WDR87: variants seen among roughly 807,000 people sequenced by gnomAD.
WDR87 encodes the protein WD repeat domain 87, also known as WD repeat-containing protein 87.
WDR87 carries 56 observed loss-of-function variants against 83.3 expected under a neutral mutation model. The observed-to-expected ratio is 0.67, with a 90% CI of 0.54 to 0.84. The LOEUF (loss-of-function observed/expected upper bound fraction) is 0.84, where lower values mean the gene tolerates loss of function less well. WDR87 is among the 40% of genes least tolerant of loss of function. WDR87 has a pLI of 0.00. For synonymous variants in WDR87, 1,173 were observed against 1,250.6 expected (o/e 0.94, Z 1.31); for missense variants, 2,939 against 3,431.9 (o/e 0.86, Z 3.59).
intron 4 of WDR87, among the ~76,000 whole-genome samples, chr19:37,892,164 A>C (rs2046211536): frequency 6.6e-6 from 1 of 152,168 alleles, no homozygotes; most frequent in Non-Finnish European, 1.5e-5. Flanking sequence ...CCAAGGTGGC[A>C]GGAAGATTTC....
In WDR87 at chr19:37,885,108, T is replaced by G; in HGVS notation, c.8563A>C (p.Arg2855=). 1 of 1,465,176 alleles carries G rather than the reference T, an allele frequency of 6.8e-7. No individual in the cohort carries two copies. The highest frequency in any genetic ancestry group is 9.0e-7 in the Non-Finnish European group (1 of 1,109,164). 90.8% of individuals were successfully genotyped at this position (1,465,176 alleles called of 1,614,324 possible). A position where few individuals can be genotyped will look rare whatever the true frequency, so the allele number is the denominator to read the frequency against. Residue 2855 remains arginine (R), a synonymous_variant, in exon 6 of 6, where the codon AGA becomes CGA. Coordinates refer to ENST00000447313, the MANE Select transcript of WDR87 (RefSeq NM_001291088.2). ...CLFCGSSHTP[R]SPQEFQGAVP... ...GCACCCTGGAACTCCTGAGGACTTC[T>G]AGGAGTATGAGAACTGCCACAAAAC...
Position 37,894,343 on chromosome 19 carries a change from T to C in WDR87, c.1360A>G (p.Asn454Asp). ...PAKYLLGTSP[N>D]SQDFVQCLAY... Reference sequence around the variant, plus strand: ...AGGCATTGTACAAAGTCCTGAGAATTTGGTGAGGTGCCTAAGAGATACTTG... The same window carrying C: ...AGGCATTGTACAAAGTCCTGAGAATCTGGTGAGGTGCCTAAGAGATACTTG... The change falls in exon 4 of 6, where the codon AAT becomes GAT. Residue 454 changes from asparagine (N) to aspartate (D), a missense_variant. Physicochemically the swap from Asn to Asp is conservative, Grantham distance 23 (BLOSUM62 1). Around this residue, in one of 3 missense-constraint regions of WDR87, gnomAD observed 553 missense variants for 577.9 expected, o/e 0.96. Transcript: ENST00000447313. The C allele has an allele frequency of 6.4e-7, 1 of 1,551,702 alleles. No homozygotes were observed. Among genetic ancestry groups the C allele is most frequent in the Non-Finnish European group, 8.7e-7 (1 of 1,147,002 alleles).
rs1233028826 is a variant in WDR87, at chr19:37,890,037, G to C, written c.3634C>G (p.Gln1212Glu). The C allele has an allele frequency of 6.4e-7, 1 of 1,551,596 alleles. No individual in the cohort carries two copies. Among genetic ancestry groups the C allele is most frequent in the Non-Finnish European group, 8.7e-7 (1 of 1,146,994 alleles). The change falls in exon 6 of 6, where the codon CAG becomes GAG. Residue 1212 changes from glutamine (Q) to glutamate (E), a missense_variant. Transcript: ENST00000447313. ...DHIALTLKRL[Q>E]KIRDKRDKKA... ...TTGTCTCTTTTGTCACGTATTTTCTGCAGCCTCTTCAGGGTCAATGCAATG... is the reference window on the plus strand; with the variant it reads ...TTGTCTCTTTTGTCACGTATTTTCTCCAGCCTCTTCAGGGTCAATGCAATG...
Position 37,893,054 on chromosome 19 carries a change from ATCC to A in WDR87, c.2646_2648del (p.Glu882del). The A allele has an allele frequency of 6.4e-7, 1 of 1,551,760 alleles. No homozygotes were observed. Among genetic ancestry groups the A allele is most frequent in the East Asian group, 2.4e-5 (1 of 40,924 alleles). Reference sequence around the variant, plus strand: ...AAAGTCTCATTTCTAGGAAGTGTTCATCCTCCTCCTTATTCTTTGGATATTCTG... The same window carrying A: ...AAAGTCTCATTTCTAGGAAGTGTTCATCCTCCTTATTCTTTGGATATTCTG... On this transcript the variant is annotated inframe_deletion, in exon 4 of 6. Coordinates refer to ENST00000447313, the MANE Select transcript of WDR87 (RefSeq NM_001291088.2).
chr19:37,895,046 C>T lies in WDR87; in HGVS notation c.657G>A (p.Arg219=). ...GGCCCTTGCCCTGGTGCATAAGGAC[C>T]CTCACCACCGTCTCACACAGGGCCA... ...SLLALCETVV[R]VLMHQGKGQL... The change falls in exon 4 of 6, where the codon AGG becomes AGA. Residue 219 remains arginine, a synonymous_variant. Coordinates refer to ENST00000447313, the MANE Select transcript of WDR87 (RefSeq NM_001291088.2). 1 of 1,551,670 alleles carries T rather than the reference C, an allele frequency of 6.4e-7. No individual in the cohort carries two copies. Among genetic ancestry groups the T allele is most frequent in the Non-Finnish European group, 8.7e-7 (1 of 1,146,984 alleles).
Position 37,885,266 on chromosome 19 carries a change from AG to A in WDR87, c.8404del (p.Lys2803SerfsTer13). The A allele has an allele frequency of 6.5e-7, 1 of 1,529,132 alleles. No individual in the cohort carries two copies. Among genetic ancestry groups the A allele is most frequent in the Non-Finnish European group, 8.8e-7 (1 of 1,137,704 alleles). 94.7% of individuals were successfully genotyped at this position (1,529,132 alleles called of 1,614,324 possible). ...QFYQLMDLYQLKSPRIQKLLQ... is the reference protein window; with the variant it reads ...QFYQLMDLYQXKSPRIQKLLQ... ...CAGCTTCTGGATTCTGGGGGACTTA[AG>A]TTGGTACAGGTCCATGAGCTGGTAG... On this transcript the variant is annotated frameshift_variant, in exon 6 of 6. Coordinates refer to ENST00000447313, the MANE Select transcript of WDR87 (RefSeq NM_001291088.2). LOFTEE classifies it low-confidence loss of function (END_TRUNC).
In WDR87 at chr19:37,892,676, C is replaced by T. The variant is rs2046216098; in HGVS notation, c.3027G>A (p.Val1009=). 3.2e-6 allele frequency: 5 copies of T among 1,551,784 alleles called. No individual in the cohort carries two copies. The highest frequency in any genetic ancestry group is 4.4e-6 in the Non-Finnish European group (5 of 1,146,996). Residue 1009 remains valine, a synonymous_variant, in exon 4 of 6, where the codon GTG becomes GTA. Transcript: ENST00000447313. Reference sequence around the variant, plus strand: ...CCATGAGGCTTAGGGTCTTGATCCTCACTCTTTCATCCTTGTCCATTAATC... The same window carrying T: ...CCATGAGGCTTAGGGTCTTGATCCTTACTCTTTCATCCTTGTCCATTAATC... ...AQGLMDKDER[V]RIKTLSLMAE...
In WDR87 at chr19:37,893,518, C is replaced by A. The variant is rs769692176; in HGVS notation, c.2185G>T (p.Val729Leu). Residue 729 changes from valine (V) to leucine (L), a missense_variant, in exon 4 of 6, where the codon GTG becomes TTG. Around this residue, in one of 3 missense-constraint regions of WDR87, gnomAD observed 553 missense variants for 577.9 expected, o/e 0.96. Coordinates refer to ENST00000447313, the MANE Select transcript of WDR87 (RefSeq NM_001291088.2). ...IYPGQAQQKL[V>L]GLEKLVNNRA... ...TTGTTGACAAGTTTCTCCAGACCCA[C>A]TAATTTCTGTTGCGCTTGTCCAGGG... The A allele has an allele frequency of 4.5e-6, 7 of 1,551,712 alleles. No homozygotes were observed. In the African/African-American group the frequency reaches 9.6e-5, roughly 21 times the overall value.
chr19:37,888,471 G>A lies in WDR87; in HGVS notation c.5200C>T (p.Gln1734Ter). 6.4e-7 allele frequency: 1 copy of A among 1,551,846 alleles called. No homozygotes were observed. Among genetic ancestry groups the A allele is most frequent in the Admixed American group, 2.0e-5 (1 of 50,970 alleles). Reference protein sequence around the residue: ...KLAEVKNILAQKVEELPQREQ... With the variant: ...KLAEVKNILA ...CTCTGGGGCAGTTCTTCCACTTTCT[G>A]GGCCAATATGTTTTTCACCTCAGCC... Residue 1734 changes from glutamine (Q) to a stop codon, truncating the protein, a stop_gained, in exon 6 of 6, where the codon CAG becomes TAG. Coordinates refer to ENST00000447313, the MANE Select transcript of WDR87 (RefSeq NM_001291088.2). LOFTEE classifies it low-confidence loss of function (END_TRUNC).
At position 37,905,665 on chromosome 19, in the gene WDR87, C is replaced by T. The variant is rs545670965; in HGVS notation, c.-47+834G>A. On this transcript the variant is annotated intron_variant, in intron 1 of 5. Coordinates refer to ENST00000447313, the MANE Select transcript of WDR87 (RefSeq NM_001291088.2). ...GCAGTCTCAAACTCCTGGGCTTAAGCGATACTCAGCCTCTTAAATAGCTGG... is the reference window on the plus strand; with the variant it reads ...GCAGTCTCAAACTCCTGGGCTTAAGTGATACTCAGCCTCTTAAATAGCTGG... Among the ~76,000 whole-genome samples, 9 of 151,910 alleles carry T rather than the reference C, an allele frequency of 5.9e-5. No homozygotes were observed. In the South Asian group the frequency reaches 1.9e-3, roughly 32 times the overall value.
Position 37,891,767 on chromosome 19 carries a change from G to A in WDR87, c.3179C>T (p.Thr1060Ile). Residue 1060 changes from threonine to isoleucine, a missense_variant, in exon 5 of 6, where the codon ACA becomes ATA. By Grantham distance (89) the Thr-to-Ile change is moderately conservative (BLOSUM62 -1). Around this residue, in one of 3 missense-constraint regions of WDR87, gnomAD observed 2,160 missense variants for 2,533.1 expected, o/e 0.85. Transcript: ENST00000447313. ...TTGAGTGGAAAGGATTTGGAGATCT[G>A]TGGCCCGCATCCCCAGTAGATGGTC... ...PLDHLLGMRA[T>I]DLQILSTQVE... 6.4e-7 allele frequency: 1 copy of A among 1,552,254 alleles called. No homozygotes were observed.
Position 37,892,710 on chromosome 19 carries a change from A to G in WDR87, c.2993T>C (p.Leu998Pro). 6.4e-7 allele frequency: 1 copy of G among 1,551,874 alleles called. No individual in the cohort carries two copies. Among genetic ancestry groups the G allele is most frequent in the Middle Eastern group, 1.7e-4 (1 of 5,994 alleles). ...ATCCTTGTCCATTAATCCTTGAGCC[A>G]GAGGCATGGCAAAAAGATGAGTAAT... ...GMITHLFAMP[L>P]AQGLMDKDER... is the part of the protein sequence containing the mutation. Residue 998 changes from leucine (L) to proline (P), a missense_variant, in exon 4 of 6, where the codon CTG (leucine) becomes CCG (proline). Leu to Pro is a moderately conservative substitution (Grantham distance 98). Around this residue, in one of 3 missense-constraint regions of WDR87, gnomAD observed 2,160 missense variants for 2,533.1 expected, o/e 0.85. Coordinates refer to ENST00000447313, the MANE Select transcript of WDR87 (RefSeq NM_001291088.2).
chr19:37,884,841 A>AAG lies in WDR87; in HGVS notation c.*89_*90dup, dbSNP rs888776660. The AAG allele has an allele frequency of 5.1e-5, 56 of 1,098,046 alleles. No homozygotes were observed. Among genetic ancestry groups the AAG allele is most frequent in the African/African-American group, 1.8e-4 (11 of 61,170 alleles). 68.0% of individuals were successfully genotyped at this position (1,098,046 alleles called of 1,614,324 possible). A position where few individuals can be genotyped will look rare whatever the true frequency, so the allele number is the denominator to read the frequency against. On this transcript the variant is annotated 3_prime_UTR_variant, in exon 6 of 6. Coordinates refer to ENST00000447313, the MANE Select transcript of WDR87 (RefSeq NM_001291088.2). ...GAAACACCGTCTCAAAAAAAAAAAA[A>AAG]AGAGAGAGAGAGAGATGAAGGTCTA...
At position 37,885,861 on chromosome 19, in the gene WDR87, G is replaced by C; in HGVS notation, c.7810C>G (p.Leu2604Val). 6.4e-7 allele frequency: 1 copy of C among 1,552,124 alleles called. No homozygotes were observed. Among genetic ancestry groups the C allele is most frequent in the Admixed American group, 2.0e-5 (1 of 51,008 alleles). ...DLASKGNLEW[L>V]HLAKHEAIVY... Reference sequence around the variant, plus strand: ...ATGGCTTCATGTTTGGCCAGATGCAGCCATTCTAAGTTTCCCTTTGAGGCA... The same window carrying C: ...ATGGCTTCATGTTTGGCCAGATGCACCCATTCTAAGTTTCCCTTTGAGGCA... The change falls in exon 6 of 6, where the codon CTG (leucine) becomes GTG (valine). Residue 2604 changes from leucine (L) to valine (V), a missense_variant. Physicochemically the swap from Leu to Val is conservative, Grantham distance 32. Coordinates refer to ENST00000447313, the MANE Select transcript of WDR87 (RefSeq NM_001291088.2).
In WDR87 at chr19:37,887,755, T is replaced by C. The variant is rs1341618139; in HGVS notation, c.5916A>G (p.Glu1972=). The change falls in exon 6 of 6, where the codon GAA becomes GAG. Residue 1972 remains glutamate (E), a synonymous_variant. Transcript: ENST00000447313. ...CCTTCTCCAGAGCTAATTTCATTTT[T>C]TCCTGGGCCAATTTCTCCTGTTTTT... ...LAKKQEKLAQ[E]KMKLALEKAM... is the part of the protein sequence containing the mutation. 2.6e-6 allele frequency: 4 copies of C among 1,552,266 alleles called. No individual in the cohort carries two copies. The highest frequency in any genetic ancestry group is 2.4e-5 in the East Asian group (1 of 40,916).
intron 2 of WDR87, among the ~76,000 whole-genome samples, chr19:37,897,759 C>T (rs1283436192): frequency 6.6e-6 from 1 of 152,006 alleles, no homozygotes; most frequent in Non-Finnish European, 1.5e-5. Context: ...GTGGCGTGCG[C>T]CTGTAGTTTC....
chr19:37,886,765 C>G lies in WDR87; in HGVS notation c.6906G>C (p.Arg2302Ser). The change falls in exon 6 of 6, where the codon AGG (arginine) becomes AGC (serine). Residue 2302 changes from arginine (R) to serine (S), a missense_variant. By Grantham distance (110) the Arg-to-Ser change is moderately radical (BLOSUM62 -1). Around this residue, in one of 3 missense-constraint regions of WDR87, gnomAD observed 2,160 missense variants for 2,533.1 expected, o/e 0.85. Coordinates refer to ENST00000447313, the MANE Select transcript of WDR87 (RefSeq NM_001291088.2). Reference sequence around the variant, plus strand: ...CCTCCTTCCTTTCCTCCTCCTCCTCCCTTTCCTCCTCCTCCTCCCTTTCCT... The same window carrying G: ...CCTCCTTCCTTTCCTCCTCCTCCTCGCTTTCCTCCTCCTCCTCCCTTTCCT... Reference protein sequence around the residue: ...EEEEREEEEEREEEEERKEEE... With the variant: ...EEEEREEEEESEEEEERKEEE... 2 of 1,500,170 alleles carry G rather than the reference C, an allele frequency of 1.3e-6. No individual in the cohort carries two copies. Among genetic ancestry groups the G allele is most frequent in the Non-Finnish European group, 1.8e-6 (2 of 1,114,010 alleles). 92.9% of individuals were successfully genotyped at this position (1,500,170 alleles called of 1,614,324 possible).
At chr19:37,901,110 G>A (rs905299874) in intron 1 of WDR87, among the ~76,000 whole-genome samples, 1 of 151,618 alleles carries the variant, frequency 6.6e-6, no homozygotes, top group Non-Finnish European at 1.5e-5. Flanking sequence ...CTGCATGCCA[G>A]CCTGGGTGAC....
At position 37,893,331 on chromosome 19, in the gene WDR87, T is replaced by C. The variant is rs1285904948; in HGVS notation, c.2372A>G (p.Gln791Arg). 6.4e-7 allele frequency: 1 copy of C among 1,551,692 alleles called. No homozygotes were observed. Among genetic ancestry groups the C allele is most frequent in the Non-Finnish European group, 8.7e-7 (1 of 1,146,880 alleles). The change falls in exon 4 of 6, where the codon CAG (glutamine) becomes CGG (arginine). Residue 791 changes from glutamine to arginine, a missense_variant. Around this residue, in one of 3 missense-constraint regions of WDR87, gnomAD observed 2,160 missense variants for 2,533.1 expected, o/e 0.85. Coordinates refer to ENST00000447313, the MANE Select transcript of WDR87 (RefSeq NM_001291088.2). ...RYQCHYVLPP[Q>R]LQLTSWDGLN... The stretch of plus-strand genomic sequence containing the variant: ...TCCATCCCAGCTAGTCAGTTGTAGC[T>C]GGGGAGGAAGCACATAATGGCATTG...
Sources: gnomAD v4.1 joint callset for allele counts (sites outside exome capture counted in the v4.1 genomes callset) on GRCh38, gnomAD v4.1.1 for gene constraint, gnomAD v4.1.1 regional missense constraint, MANE v1.5 for transcripts, NCBI Gene and HGNC (gene_info 2026-07-23, HGNC 2026-07-21) for gene names.